DAB1: variants seen among roughly 807,000 people sequenced by gnomAD.
The protein encoded by DAB1 is DAB adaptor protein 1.
Under a neutral mutation model 64.6 loss-of-function variants are expected in DAB1, and 15 were observed. The observed-to-expected ratio is 0.23, with a 90% CI of 0.16 to 0.36. The LOEUF is 0.36. Among genes scored for constraint, DAB1 ranks in the 10% least tolerant of loss-of-function variants. The probability of loss-of-function intolerance (pLI) is 1.00; values close to 1 mark genes in which losing one functional copy is unlikely to be tolerated. For missense variants in DAB1, 596 were observed against 706.7 expected (o/e 0.84, Z 1.78); for synonymous variants, 235 against 251.9 (o/e 0.93, Z 0.64).
intron 3 of DAB1, among the ~76,000 whole-genome samples, chr1:57,137,030 A>T (rs193237281): frequency 1.3e-5 from 2 of 152,286 alleles, no homozygotes; most frequent in Admixed American, 6.5e-5. Context: ...GCTGCTAAGT[A>T]TATTCCTACA....
At chr1:57,729,840 C>T (rs1295016012) in intron 6 of DAB1, among the ~76,000 whole-genome samples, 5 of 152,274 alleles carry the variant, frequency 3.3e-5, no homozygotes, top group African/African-American at 9.6e-5. Flanking sequence ...GCCAGAGGAT[C>T]GCTTGAGGCC....
chr1:57,549,346 G>A (rs151281551), intron 7 of DAB1, among the ~76,000 whole-genome samples: 360 of 152,306 alleles, frequency 2.4e-3, no homozygotes, highest in Non-Finnish European at 4.4e-3. Context: ...AAAATGTCCT[G>A]TATTTATTTG....
At chr1:57,638,875 T>A (rs1283412871) in intron 7 of DAB1, among the ~76,000 whole-genome samples, 1 of 151,952 alleles carries the variant, frequency 6.6e-6, no homozygotes, top group African/African-American at 2.4e-5. Flanking sequence ...TGTGTGTGTG[T>A]TGAAAGGTGG....
intron 3 of DAB1, among the ~76,000 whole-genome samples, chr1:58,379,144 G>A (rs61779018): frequency 0.092 from 14,027 of 151,738 alleles, 626 homozygotes; most frequent in Middle Eastern, 0.13. Context: ...CGTCTTCTGC[G>A]TCGCTCACGC....
chr1:57,736,151 A>AT (rs374611465), intron 6 of DAB1, among the ~76,000 whole-genome samples: 37 of 152,322 alleles, frequency 2.4e-4, no homozygotes, highest in African/African-American at 7.0e-4. Context: ...CTTGGGCTAC[A>AT]TAGGAAGACT....
chr1:57,565,369 C>T (rs1323033724), intron 7 of DAB1, among the ~76,000 whole-genome samples: 20 of 152,242 alleles, frequency 1.3e-4, no homozygotes, highest in East Asian at 9.6e-4. Context: ...CATCAACTAA[C>T]GAGCAAAATA....
intron 3 of DAB1, among the ~76,000 whole-genome samples, chr1:58,378,890 T>C (rs1175634670): frequency 1.5e-5 from 1 of 68,478 alleles, no homozygotes; most frequent in East Asian, 3.6e-4. Flanking sequence ...TGGTGCGCCG[T>C]TTTTTAAGCC....
At chr1:57,322,234 G>A (rs1420148270) in intron 1 of DAB1, among the ~76,000 whole-genome samples, 1 of 152,136 alleles carries the variant, frequency 6.6e-6, no homozygotes, top group African/African-American at 2.4e-5. Context: ...AAATCCTCAA[G>A]TGTGGTACCC....
At chr1:58,022,400 A>G (rs1208242238) in intron 5 of DAB1, among the ~76,000 whole-genome samples, 3 of 152,306 alleles carry the variant, frequency 2.0e-5, no homozygotes, top group Admixed American at 6.5e-5. Flanking sequence ...ATTGGTCCCT[A>G]TGGAAATTCA....
At chr1:58,481,150 T>C (rs771868857) in intron 3 of DAB1, 4 of 852,928 alleles carry the variant, frequency 4.7e-6, no homozygotes, top group Non-Finnish European at 6.1e-6. Context: ...GGTGGACAAT[T>C]ACACATCTCT....
At chr1:58,231,154 T>C (rs767444175) in intron 4 of DAB1, among the ~76,000 whole-genome samples, 4 of 152,222 alleles carry the variant, frequency 2.6e-5, no homozygotes, top group Non-Finnish European at 4.4e-5. Flanking sequence ...ATTATTGTTA[T>C]CTTTATTGTA....
At chr1:58,068,474 C>A (rs1648998275) in intron 5 of DAB1, among the ~76,000 whole-genome samples, 1 of 152,216 alleles carries the variant, frequency 6.6e-6, no homozygotes, top group East Asian at 1.9e-4. Flanking sequence ...AGGTTAAAAG[C>A]ACCATGATCG....
At chr1:57,318,155 C>CAAAAAA (rs3042914) in intron 1 of DAB1, among the ~76,000 whole-genome samples, 2 of 103,412 alleles carry the variant, frequency 1.9e-5, no homozygotes, top group Admixed American at 1.1e-4. Context: ...AGCTGCAACT[C>CAAAAAA]AAAAAAAAAA....
chr1:58,024,565 A>G (rs903634487), intron 5 of DAB1, among the ~76,000 whole-genome samples: 2 of 152,234 alleles, frequency 1.3e-5, no homozygotes, highest in African/African-American at 2.4e-5. Context: ...ATAGATAATG[A>G]TGATTCTTAT....
At chr1:58,005,608 TAAAAAA>T (rs5774389) in intron 5 of DAB1, among the ~76,000 whole-genome samples, 1 of 133,038 alleles carries the variant, frequency 7.5e-6, no homozygotes, top group Non-Finnish European at 1.6e-5. Flanking sequence ...CTGCCTTGGT[TAAAAAA>T]AAAAAAAAAA....
chr1:57,949,098 G>A (rs1936414), intron 5 of DAB1, among the ~76,000 whole-genome samples: 90 of 151,764 alleles, frequency 5.9e-4, no homozygotes, highest in African/African-American at 2.1e-3. Context: ...TTAGTGTTAC[G>A]TTAAGCCAGC....
chr1:57,494,500 C>T (rs188400968), intron 7 of DAB1, among the ~76,000 whole-genome samples: 1 of 152,088 alleles, frequency 6.6e-6, no homozygotes, highest in South Asian at 2.1e-4. Context: ...CTTCCTGAAG[C>T]AAAAATGCCA....
At chr1:57,752,871 C>T (rs1234043026) in intron 6 of DAB1, among the ~76,000 whole-genome samples, 2 of 152,172 alleles carry the variant, frequency 1.3e-5, no homozygotes, top group Non-Finnish European at 2.9e-5. Context: ...ACTTGGTAGG[C>T]ATTCAATAAA....
At chr1:57,337,323 A>G (rs2100815601) in intron 1 of DAB1, among the ~76,000 whole-genome samples, 2 of 151,768 alleles carry the variant, frequency 1.3e-5, no homozygotes, top group Middle Eastern at 6.8e-3. Flanking sequence ...TCTGACCACC[A>G]CTCTTGGTAT....
Sources: gnomAD v4.1 joint callset for allele counts (sites outside exome capture counted in the v4.1 genomes callset) on GRCh38, gnomAD v4.1.1 for gene constraint, MANE v1.5 for transcripts, NCBI Gene and HGNC (gene_info 2026-07-23, HGNC 2026-07-21) for gene names.